The following PDHA1 variants were observed in gnomAD, a reference collection of about 807,000 sequenced individuals.
The protein encoded by PDHA1 is pyruvate dehydrogenase E1 subunit alpha 1.
PDHA1 carries 1 observed loss-of-function variant against 33.0 expected under a neutral mutation model. The observed-to-expected ratio is 0.03, with a 90% CI of 0.01 to 0.14. The LOEUF (loss-of-function observed/expected upper bound fraction) is 0.14, where lower values mean the gene tolerates loss of function less well. PDHA1 is among the 10% of genes least tolerant of loss of function. The pLI is 1.00. For missense variants in PDHA1, 168 were observed against 325.1 expected, an observed-to-expected ratio of 0.52 and a Z score of 3.72; for synonymous variants, 123 against 119.2, an observed-to-expected ratio of 1.03 and a Z score of -0.21.
Position 19,359,666 on chromosome X carries a change from G to A in PDHA1, c.*13G>A. ...GTCAGTCAGTTAAGGGGAGGAGAAG[G>A]AGAGGTTATACCTTCAGGGGGCTAC... On this transcript the variant is annotated 3_prime_UTR_variant, in exon 11 of 11. Coordinates refer to ENST00000422285, the MANE Select transcript of PDHA1 (RefSeq NM_000284.4). 8.4e-7 allele frequency: 1 copy of A among 1,197,057 alleles called. No individual in the cohort carries two copies. Among genetic ancestry groups the A allele is most frequent in the Admixed American group, 2.2e-5 (1 of 45,901 alleles).
Position 19,358,990 on chromosome X carries a change from T to A in PDHA1, c.974T>A (p.Val325Glu). 8.5e-7 allele frequency: 1 copy of A among 1,180,246 alleles called. No individual in the cohort carries two copies. The highest frequency in any genetic ancestry group is 1.2e-6 in the Non-Finnish European group (1 of 866,838). Reference sequence around the variant, plus strand: ...ATTATGCTTCTCAAGGACAGGATGGTGAACAGCAATCTTGCCAGTGTGGAA... The same window carrying A: ...ATTATGCTTCTCAAGGACAGGATGGAGAACAGCAATCTTGCCAGTGTGGAA... Reference protein sequence around the residue: ...DPIMLLKDRMVNSNLASVEEL... With the variant: ...DPIMLLKDRMENSNLASVEEL... Residue 325 changes from valine to glutamate, a missense_variant, in exon 10 of 11, where the codon GTG becomes GAG. By Grantham distance (121) the Val-to-Glu change is moderately radical. Coordinates refer to ENST00000422285, the MANE Select transcript of PDHA1 (RefSeq NM_000284.4).
chrX:19,359,867 A>AAAT lies in PDHA1; in HGVS notation c.*216_*218dup, dbSNP rs1436107111. The AAAT allele has an allele frequency of 2.2e-6, 1 of 451,109 alleles. No homozygotes were observed. Among genetic ancestry groups the AAAT allele is most frequent in the African/African-American group, 2.4e-5 (1 of 41,500 alleles). The allele number at this position is 451,109 out of a possible 1,213,427, so 37.2% of individuals were successfully genotyped here. A position where few individuals can be genotyped will look rare whatever the true frequency, so the allele number is the denominator to read the frequency against. On this transcript the variant is annotated 3_prime_UTR_variant, in exon 11 of 11. Transcript: ENST00000422285. ...GTGCTTAAAGATTATTTTTGACTTA[A>AAAT]AATAGTATACTTTGAACAAATACTC...
In PDHA1 at chrX:19,361,336, T is replaced by TA. The variant is rs1184403880; in HGVS notation, c.*1684dup. 1.7e-6 allele frequency: 2 copies of TA among 1,194,115 alleles called. No individual in the cohort carries two copies. The highest frequency in any genetic ancestry group is 3.0e-5 in the East Asian group (1 of 33,756). On this transcript the variant is annotated 3_prime_UTR_variant, in exon 11 of 11. Coordinates refer to ENST00000422285, the MANE Select transcript of PDHA1 (RefSeq NM_000284.4). Reference sequence around the variant, plus strand: ...CTTATACAAACTGTTTTGAGGCTCTTACCGTAGTCGAAGGTATCTTAGATC... The same window carrying TA: ...CTTATACAAACTGTTTTGAGGCTCTTAACCGTAGTCGAAGGTATCTTAGATC...
chrX:19,351,306 C>T lies in PDHA1; in HGVS notation c.317C>T (p.Ala106Val). 1.7e-6 allele frequency: 2 copies of T among 1,204,129 alleles called. No homozygotes were observed. The highest frequency in any genetic ancestry group is 2.3e-6 in the Non-Finnish European group (2 of 888,615). Residue 106 changes from alanine (A) to valine (V), a missense_variant, in exon 4 of 11, where the codon GCC (alanine) becomes GTC (valine). This residue lies in a region of PDHA1 where 35 missense variants were observed against 148.5 expected (regional missense o/e 0.24). Coordinates refer to ENST00000422285, the MANE Select transcript of PDHA1 (RefSeq NM_000284.4). ...GAAGCTTGCTGTGTGGGCCTGGAGG[C>T]CGGCATCAACCCCACAGACCATCTC... ...GQEACCVGLE[A>V]GINPTDHLIT... is the part of the protein sequence containing the mutation.
rs2063269294 is a variant in PDHA1 at position 19,360,462 on chromosome X, C to T, written c.*809C>T. The T allele has an allele frequency of 2.1e-5, 5 of 241,228 alleles. No individual in the cohort carries two copies. The highest frequency in any genetic ancestry group is 3.0e-5 in the Non-Finnish European group (4 of 135,071). 19.9% of individuals were successfully genotyped at this position (241,228 alleles called of 1,213,427 possible). On this transcript the variant is annotated 3_prime_UTR_variant, in exon 11 of 11. Transcript: ENST00000422285. ...CCACACCTCCTGGGCTCAAGCAATCCTCCCACCTCAGCCTCCTGCATAGCT... is the reference window on the plus strand; with the variant it reads ...CCACACCTCCTGGGCTCAAGCAATCTTCCCACCTCAGCCTCCTGCATAGCT...
In PDHA1 at chrX:19,361,436, T is replaced by C; in HGVS notation, c.*1783T>C. On this transcript the variant is annotated 3_prime_UTR_variant, in exon 11 of 11. Transcript: ENST00000422285. ...ACAATCTGAAACAAAGATCAGATCC[T>C]TAAGAGCTGAGCAGCTGTGTAACAA... 5 of 1,197,155 alleles carry C rather than the reference T, an allele frequency of 4.2e-6. No individual in the cohort carries two copies. Among genetic ancestry groups the C allele is most frequent in the African/African-American group, 1.7e-5 (1 of 57,684 alleles).
chrX:19,359,089 C>CAGAGTTTGT, intron 10 of PDHA1, 65 bp downstream of exon 10: 1 of 667,074 alleles, frequency 1.5e-6, no homozygotes, highest in Non-Finnish European at 2.5e-6. Flanking sequence ...TGGGTGGCCA[C>CAGAGTTTGT]AGAGTTTGTG....
At chrX:19,357,606 C>T (rs758459786) in intron 8 of PDHA1, 46 bp from the exon 9 acceptor site, 21 of 1,064,808 alleles carry the variant, frequency 2.0e-5, no homozygotes, top group Non-Finnish European at 2.6e-5. Context: ...CCTGTTCTTC[C>T]AGTCATCGTT....
At chrX:19,347,839 G>C (rs1034927415) in intron 1 of PDHA1, among the ~76,000 whole-genome samples, 7 of 112,394 alleles carry the variant, frequency 6.2e-5, no homozygotes, top group Non-Finnish European at 1.1e-4. Context: ...AGATACATTA[G>C]TGGACTGTCT....
chrX:19,359,079 T>G, intron 10 of PDHA1, 55 bp downstream of exon 10: 1 of 718,341 alleles, frequency 1.4e-6, no homozygotes, highest in Non-Finnish European at 2.2e-6. Context: ...TTGCCACCCC[T>G]GGGTGGCCAC....
chrX:19,359,462 C>CCT, intron 10 of PDHA1, 27 bp from the exon 11 acceptor site: 3 of 1,187,556 alleles, frequency 2.5e-6, no homozygotes, highest in Non-Finnish European at 3.4e-6. Flanking sequence ...CATTCTAAAA[C>CCT]CTTTTACACT....
At position 19,361,533 on chromosome X, in the gene PDHA1, C is replaced by T; in HGVS notation, c.*1880C>T. 2 of 1,211,694 alleles carry T rather than the reference C, an allele frequency of 1.7e-6. No homozygotes were observed. The highest frequency in any genetic ancestry group is 1.8e-5 in the South Asian group (1 of 56,974). On this transcript the variant is annotated 3_prime_UTR_variant, in exon 11 of 11. Transcript: ENST00000422285. ...TGCATCAGCTCCTTGCAGCCGCAACCAGTCTATAAGCTCTTTATCTGTTCT... is the reference window on the plus strand; with the variant it reads ...TGCATCAGCTCCTTGCAGCCGCAACTAGTCTATAAGCTCTTTATCTGTTCT...
intron 6 of PDHA1, 144 bp from the exon 7 acceptor site, chrX:19,355,205 C>T (rs1161586075): frequency 2.9e-6 from 2 of 696,720 alleles, no homozygotes; most frequent in East Asian, 6.5e-5. Context: ...CCCGCTTTCC[C>T]TCACCACCCA....
intron 8 of PDHA1, 25 bp downstream of exon 8, chrX:19,355,782 T>C (rs1314086036): frequency 1.8e-6 from 2 of 1,097,070 alleles, no homozygotes; most frequent in Admixed American, 4.4e-5. Context: ...CCCTCTGGGC[T>C]AGTGACATTT....
At chrX:19,349,255 C>A in intron 1 of PDHA1, 57 bp from the exon 2 acceptor site, 1 of 794,488 alleles carries the variant, frequency 1.3e-6, no homozygotes, top group Non-Finnish European at 1.9e-6. Context: ...ATTATACTTT[C>A]CAAAATAGCT....
At chrX:19,354,773 G>C (rs1033305106) in intron 6 of PDHA1, among the ~76,000 whole-genome samples, 190 bp downstream of exon 6, 2 of 112,778 alleles carry the variant, frequency 1.8e-5, no homozygotes, top group African/African-American at 6.4e-5. Flanking sequence ...AGAGACTTAC[G>C]GGGGCACATT....
At chrX:19,358,506 A>C (rs1253835773) in intron 9 of PDHA1, among the ~76,000 whole-genome samples, 1 of 111,455 alleles carries the variant, frequency 9.0e-6, no homozygotes, top group Non-Finnish European at 1.9e-5. Flanking sequence ...AATTATCACC[A>C]CACACACCAT....
Position 19,360,128 on chromosome X carries a change from CCAATTTTGTAATCATTT to C in PDHA1, c.*479_*495del, listed in dbSNP as rs1325189806. ...TTAAAATAAGACTTTTGTAATCATT[CCAATTTTGTAATCATTT>C]CAAAGGCCACATAACTTAGTTTTCT... On this transcript the variant is annotated 3_prime_UTR_variant, in exon 11 of 11. Transcript: ENST00000422285. 4.6e-5 allele frequency: 7 copies of C among 151,102 alleles called. No individual in the cohort carries two copies. The South Asian group carries it at 5.8e-4, about 13-fold the overall frequency. 12.5% of individuals were successfully genotyped at this position (151,102 alleles called of 1,213,427 possible). A position where few individuals can be genotyped will look rare whatever the true frequency, so the allele number is the denominator to read the frequency against.
chrX:19,360,566 G>GT lies in PDHA1; in HGVS notation c.*916dup. The GT allele has an allele frequency of 2.5e-6, 1 of 401,140 alleles. No homozygotes were observed. Among genetic ancestry groups the GT allele is most frequent in the Non-Finnish European group, 4.3e-6 (1 of 231,225 alleles). The allele number at this position is 401,140 out of a possible 1,213,427, so 33.1% of individuals were successfully genotyped here. On this transcript the variant is annotated 3_prime_UTR_variant, in exon 11 of 11. Transcript: ENST00000422285. ...GTTTTCACAATACACACAGTTCTAT[G>GT]TTTATAAATAACAGGTTTCAAAAGA... is the stretch of plus-strand genomic sequence containing the variant.
Sources: gnomAD v4.1 joint callset for allele counts (sites outside exome capture counted in the v4.1 genomes callset) on GRCh38, gnomAD v4.1.1 for gene constraint, gnomAD v4.1.1 regional missense constraint, MANE v1.5 for transcripts, NCBI Gene and HGNC (gene_info 2026-07-23, HGNC 2026-07-21) for gene names.